The following RAB27B variants were observed in gnomAD, a reference collection of about 807,000 sequenced individuals.
RAB27B encodes the protein RAB27B, member RAS oncogene family.
Under a neutral mutation model 24.6 loss-of-function variants are expected in RAB27B, and 15 were observed. The observed-to-expected ratio is 0.61, with a 90% CI of 0.41 to 0.94. The LOEUF (loss-of-function observed/expected upper bound fraction) is 0.94. Ranked by LOEUF, RAB27B falls within the 40% of genes least tolerant of loss-of-function variation. The pLI is 0.00. For missense variants in RAB27B, 261 were observed against 266.8 expected, an observed-to-expected ratio of 0.98 and a Z score of 0.15; for synonymous variants, 105 against 92.5, an observed-to-expected ratio of 1.14 and a Z score of -0.78.
intron 2 of RAB27B, among the ~76,000 whole-genome samples, chr18:54,819,598 T>G (rs1391335695): frequency 6.7e-6 from 1 of 149,864 alleles, no homozygotes; most frequent in Non-Finnish European, 1.5e-5. Context: ...GTTTATTTAT[T>G]TTTTATTTAT....
intron 2 of RAB27B, among the ~76,000 whole-genome samples, chr18:54,728,322 G>T (rs1024769081): frequency 8.5e-5 from 13 of 152,136 alleles, no homozygotes; most frequent in African/African-American, 3.1e-4. Flanking sequence ...GGGTGGCGTT[G>T]GGGATGGCAG....
chr18:54,821,909 T>A (rs930240767), intron 2 of RAB27B, among the ~76,000 whole-genome samples: 1 of 152,150 alleles, frequency 6.6e-6, no homozygotes, highest in Non-Finnish European at 1.5e-5. Flanking sequence ...ATGGCCCCCA[T>A]GCCTGGCTAA....
rs556679952 is a variant in RAB27B at position 54,736,100 on chromosome 18, A to G, written c.-20+17959A>G. Among the ~76,000 whole-genome samples, 4 of 152,324 alleles carry G rather than the reference A, an allele frequency of 2.6e-5. No homozygotes were observed. The South Asian group carries it at 8.3e-4, about 32-fold the overall frequency. On this transcript the variant is annotated intron_variant, in intron 2 of 4. Transcript: ENST00000586570. ...TGATTCAGTTAACCTCTACAAAACC[A>G]TGCAAGTTGGGATATTTGTGAATGG...
chr18:54,867,009 A>G (rs967180060), intron 1 of RAB27B, among the ~76,000 whole-genome samples: 3 of 152,190 alleles, frequency 2.0e-5, no homozygotes, highest in Non-Finnish European at 1.5e-5. Flanking sequence ...AGCAAGTAGC[A>G]CGTGGCAACT....
At chr18:54,721,054 A>C (rs1909344048) in intron 2 of RAB27B, among the ~76,000 whole-genome samples, 1 of 152,102 alleles carries the variant, frequency 6.6e-6, no homozygotes, top group Non-Finnish European at 1.5e-5. Context: ...GGCCAAAGGG[A>C]AAGTTATTAT....
intron 1 of RAB27B, among the ~76,000 whole-genome samples, chr18:54,857,597 G>A (rs1002892376): frequency 1.3e-5 from 2 of 152,182 alleles, no homozygotes; most frequent in Non-Finnish European, 2.9e-5. Context: ...TAGAAGCCTG[G>A]CATATAAATA....
chr18:54,889,698 T>C lies in RAB27B; in HGVS notation c.*285T>C, dbSNP rs901522636. ...TAGAGAAAATGAGTATATAAGACAATATACAAGAAGAAATATCAGTGAGTT... is the reference window on the plus strand; with the variant it reads ...TAGAGAAAATGAGTATATAAGACAACATACAAGAAGAAATATCAGTGAGTT... On this transcript the variant is annotated 3_prime_UTR_variant, in exon 6 of 6. Transcript: ENST00000262094. 1.8e-4 allele frequency: 42 copies of C among 227,856 alleles called. No homozygotes were observed. Among genetic ancestry groups the C allele is most frequent in the Admixed American group, 1.1e-4 (2 of 17,648 alleles). 14.1% of individuals were successfully genotyped at this position (227,856 alleles called of 1,614,324 possible). A position where few individuals can be genotyped will look rare whatever the true frequency, so the allele number is the denominator to read the frequency against.
At chr18:54,793,444 A>C (rs1909317231) in intron 2 of RAB27B, among the ~76,000 whole-genome samples, 1 of 151,930 alleles carries the variant, frequency 6.6e-6, no homozygotes, top group Non-Finnish European at 1.5e-5. Flanking sequence ...GCGATAAAGG[A>C]CAAGAATCCC....
intron 2 of RAB27B, among the ~76,000 whole-genome samples, chr18:54,725,275 T>C (rs1286267207): frequency 6.6e-6 from 1 of 151,632 alleles, no homozygotes; most frequent in Non-Finnish European, 1.5e-5. Flanking sequence ...AGGTATCCTG[T>C]AAACGTTAGT....
intron 2 of RAB27B, among the ~76,000 whole-genome samples, chr18:54,728,569 G>A (rs1330353347): frequency 6.6e-6 from 1 of 152,066 alleles, no homozygotes; most frequent in African/African-American, 2.4e-5. Flanking sequence ...TTGAGTGGAA[G>A]GGAAATGGTT....
intron 2 of RAB27B, among the ~76,000 whole-genome samples, chr18:54,755,710 C>T (rs1479651709): frequency 6.6e-6 from 1 of 152,202 alleles, no homozygotes; most frequent in East Asian, 1.9e-4. Flanking sequence ...ACCAGATCTC[C>T]ATCTTTATTA....
chr18:54,847,867 T>C (rs926794618), intron 1 of RAB27B, among the ~76,000 whole-genome samples: 1 of 151,924 alleles, frequency 6.6e-6, no homozygotes, highest in Admixed American at 6.6e-5. Flanking sequence ...AAAAAAAAAC[T>C]TCAGCCAAAT....
At chr18:54,798,133 T>G (rs1242417005) in intron 2 of RAB27B, among the ~76,000 whole-genome samples, 1 of 152,346 alleles carries the variant, frequency 6.6e-6, no homozygotes, top group East Asian at 1.9e-4. Flanking sequence ...ATTAATGTTT[T>G]ATATTGAGAG....
At chr18:54,812,736 T>A (rs1033876334) in intron 2 of RAB27B, among the ~76,000 whole-genome samples, 1 of 149,394 alleles carries the variant, frequency 6.7e-6, no homozygotes, top group Non-Finnish European at 1.5e-5. Flanking sequence ...TTTAATACTT[T>A]ATTTCTAATG....
intron 2 of RAB27B, among the ~76,000 whole-genome samples, chr18:54,759,651 A>G (rs1308688035): frequency 1.3e-5 from 2 of 152,198 alleles, no homozygotes; most frequent in African/African-American, 4.8e-5. Flanking sequence ...TTTCCCATTC[A>G]AATGCGCTGT....
intron 2 of RAB27B, among the ~76,000 whole-genome samples, chr18:54,760,701 C>A (rs2145049823): frequency 6.6e-6 from 1 of 152,104 alleles, no homozygotes; most frequent in African/African-American, 2.4e-5. Flanking sequence ...AGGTGAGATT[C>A]AAACCAGATC....
intron 2 of RAB27B, among the ~76,000 whole-genome samples, chr18:54,817,304 A>G (rs1244238552): frequency 6.6e-6 from 1 of 152,166 alleles, no homozygotes; most frequent in Non-Finnish European, 1.5e-5. Context: ...TTTATCACGT[A>G]TCTTTGGCAG....
chr18:54,872,740 T>G (rs1397600525), intron 1 of RAB27B, among the ~76,000 whole-genome samples: 1 of 152,122 alleles, frequency 6.6e-6, no homozygotes, highest in African/African-American at 2.4e-5. Context: ...AGAATCCAAG[T>G]CCTTGCACTC....
intron 1 of RAB27B, among the ~76,000 whole-genome samples, chr18:54,846,514 G>A (rs978447280): frequency 1.1e-4 from 17 of 152,100 alleles, no homozygotes; most frequent in East Asian, 1.9e-4. Flanking sequence ...AATCAAATAC[G>A]TAAAAGAAGA....
Sources: gnomAD v4.1 joint callset for allele counts (sites outside exome capture counted in the v4.1 genomes callset) on GRCh38, gnomAD v4.1.1 for gene constraint, MANE v1.5 for transcripts, NCBI Gene and HGNC (gene_info 2026-07-23, HGNC 2026-07-21) for gene names.